TRAPPC9: variants seen among roughly 807,000 people sequenced by gnomAD.
The protein encoded by TRAPPC9 is trafficking protein particle complex subunit 9.
In TRAPPC9, 83 loss-of-function variants were observed where a neutral mutation model predicts 124.0. The ratio of observed to expected loss-of-function variants is 0.67; its 90% CI spans 0.56 to 0.80. The LOEUF is 0.80. Ranked by LOEUF, TRAPPC9 falls within the 30% of genes least tolerant of loss-of-function variation. The pLI, the probability that TRAPPC9 is intolerant of heterozygous loss-of-function variation, is 0.00. For missense variants in TRAPPC9, 1,302 were observed against 1,508.3 expected (o/e 0.86, Z 2.27); for synonymous variants, 638 against 617.5 (o/e 1.03, Z -0.49).
At chr8:140,114,355 C>T (rs1223212812) in intron 17 of TRAPPC9, among the ~76,000 whole-genome samples, 3 of 144,684 alleles carry the variant, frequency 2.1e-5, no homozygotes, top group African/African-American at 7.7e-5. Flanking sequence ...AAAAAAACCT[C>T]ACAAAAGAAA....
Position 139,910,241 on chromosome 8 carries a change from T to C in TRAPPC9, c.2870A>G (p.Lys957Arg), listed in dbSNP as rs762368721. ...CTGCTTGGGGTTTGCAAATTGCCCC[T>C]TCTCCCCAGGGGACTCCGGGAAACT... ...FESFPESPGE[K>R]GQFANPKQLE... is the part of the protein sequence containing the mutation. The change falls in exon 20 of 23, where the codon AAG (lysine) becomes AGG (arginine). Residue 957 changes from lysine to arginine, a missense_variant. Transcript: ENST00000438773. 1.2e-6 allele frequency: 2 copies of C among 1,614,134 alleles called. No homozygotes were observed. The highest frequency in any genetic ancestry group is 8.5e-7 in the Non-Finnish European group (1 of 1,180,028).
chr8:139,856,834 C>T lies in TRAPPC9; in HGVS notation c.3055+29045G>A, dbSNP rs534620726. Among the ~76,000 whole-genome samples the T allele has an allele frequency of 5.3e-5, 8 of 151,984 alleles. No homozygotes were observed. In the East Asian group the frequency reaches 1.5e-3, roughly 29 times the overall value. On this transcript the variant is annotated intron_variant, in intron 21 of 22. Transcript: ENST00000438773. Reference sequence around the variant, plus strand: ...TGGAAGGAGAACGTGCTCATTCATTCAAACATTCATCTACCCACCCATTCA... The same window carrying T: ...TGGAAGGAGAACGTGCTCATTCATTTAAACATTCATCTACCCACCCATTCA...
chr8:140,193,416 T>C (rs1276203901), intron 17 of TRAPPC9, among the ~76,000 whole-genome samples: 2 of 152,142 alleles, frequency 1.3e-5, no homozygotes, highest in Non-Finnish European at 2.9e-5. Flanking sequence ...GTTGTAGGCA[T>C]TGCAAAGCCT....
intron 21 of TRAPPC9, among the ~76,000 whole-genome samples, chr8:139,756,024 C>G (rs1168181161): frequency 5.7e-5 from 7 of 122,996 alleles, no homozygotes; most frequent in Non-Finnish European, 6.5e-5. Context: ...GACAGCAGGT[C>G]ACAGGAGGAG....
chr8:139,971,804 C>CACATAT (rs1836111897), intron 19 of TRAPPC9, among the ~76,000 whole-genome samples: 4 of 2,200 alleles, frequency 1.8e-3, no homozygotes, highest in Non-Finnish European at 2.6e-3. Flanking sequence ...TATATATATA[C>CACATAT]ATATATATAT....
chr8:140,424,375 G>A (rs911050030), intron 5 of TRAPPC9, among the ~76,000 whole-genome samples: 1 of 151,872 alleles, frequency 6.6e-6, no homozygotes, highest in Non-Finnish European at 1.5e-5. Context: ...GCCAGGCACA[G>A]TGGCTCATGT....
At chr8:139,851,475 A>G (rs1827456189) in intron 21 of TRAPPC9, among the ~76,000 whole-genome samples, 1 of 152,118 alleles carries the variant, frequency 6.6e-6, no homozygotes, top group African/African-American at 2.4e-5. Context: ...TGCATCCCGG[A>G]AGGCATGGGA....
chr8:140,174,606 A>G (rs2062025819), intron 17 of TRAPPC9, among the ~76,000 whole-genome samples: 1 of 151,968 alleles, frequency 6.6e-6, no homozygotes, highest in Non-Finnish European at 1.5e-5. Flanking sequence ...GCAACCATCA[A>G]TCTGCCTTCT....
At chr8:140,115,814 T>C (rs1006020275) in intron 17 of TRAPPC9, among the ~76,000 whole-genome samples, 2 of 152,118 alleles carry the variant, frequency 1.3e-5, no homozygotes, top group African/African-American at 4.8e-5. Context: ...TCACTGAGGA[T>C]GCTGTGCCCG....
intron 17 of TRAPPC9, among the ~76,000 whole-genome samples, chr8:140,049,492 G>A (rs552199027): frequency 1.2e-3 from 175 of 152,064 alleles, no homozygotes; most frequent in African/African-American, 3.9e-3. Context: ...GCCGGCCCTC[G>A]GTGATGTGTT....
At chr8:140,195,252 AAC>A (rs1007300689) in intron 17 of TRAPPC9, among the ~76,000 whole-genome samples, 3 of 147,536 alleles carry the variant, frequency 2.0e-5, no homozygotes, top group African/African-American at 5.0e-5. Flanking sequence ...GTGACACTAA[AAC>A]ACACAACGAT....
At chr8:140,074,025 A>AC (rs1843350664) in intron 17 of TRAPPC9, among the ~76,000 whole-genome samples, 1 of 152,090 alleles carries the variant, frequency 6.6e-6, no homozygotes, top group Non-Finnish European at 1.5e-5. Flanking sequence ...CCAGCCAAGG[A>AC]CCCCCATGTC....
chr8:139,863,687 C>T (rs190020649), intron 21 of TRAPPC9, among the ~76,000 whole-genome samples: 6 of 152,350 alleles, frequency 3.9e-5, no homozygotes, highest in Admixed American at 2.6e-4. Context: ...TCGCTGTTCC[C>T]GCCTCTGAGA....
intron 19 of TRAPPC9, among the ~76,000 whole-genome samples, chr8:139,947,759 T>C (rs751789494): frequency 6.7e-6 from 1 of 149,696 alleles, no homozygotes; most frequent in Non-Finnish European, 1.5e-5. Flanking sequence ...TCCCAGCTAC[T>C]CAGGAGGCTG....
At chr8:140,174,409 T>A (rs1487192413) in intron 17 of TRAPPC9, among the ~76,000 whole-genome samples, 1 of 152,138 alleles carries the variant, frequency 6.6e-6, no homozygotes, top group Non-Finnish European at 1.5e-5. Context: ...AATTGAGGTA[T>A]AATTCACACG....
At chr8:140,184,072 G>A (rs1181946361) in intron 17 of TRAPPC9, among the ~76,000 whole-genome samples, 3 of 151,836 alleles carry the variant, frequency 2.0e-5, no homozygotes, top group Admixed American at 2.0e-4. Flanking sequence ...AGAACTGACT[G>A]CCAATGTCAG....
chr8:139,932,466 G>A, intron 19 of TRAPPC9: 1 of 457,658 alleles, frequency 2.2e-6, no homozygotes, highest in Non-Finnish European at 4.4e-6. Context: ...TCCTGGGGTA[G>A]AAATGTCATG....
chr8:140,374,250 A>G lies in TRAPPC9; in HGVS notation c.1135-3070T>C, dbSNP rs564566211. On this transcript the variant is annotated intron_variant, in intron 7 of 22. Transcript: ENST00000438773. ...CAGTGCTGGAGGACAGCAGCCAGGGACGGGGTGGAAGAGGACTGTAAAGAG... is the reference window on the plus strand; with the variant it reads ...CAGTGCTGGAGGACAGCAGCCAGGGGCGGGGTGGAAGAGGACTGTAAAGAG... Among the ~76,000 whole-genome samples the G allele has an allele frequency of 7.0e-4, 106 of 152,234 alleles. 3 individuals are homozygous for G. The South Asian group carries it at 0.021, about 30-fold the overall frequency.
chr8:140,041,664 T>G (rs1365297265), intron 17 of TRAPPC9, among the ~76,000 whole-genome samples: 1 of 152,228 alleles, frequency 6.6e-6, no homozygotes, highest in Admixed American at 6.5e-5. Context: ...ACATGGCATC[T>G]AAGTCTAATC....
Sources: allele counts gnomAD v4.1 joint callset (sites outside exome capture counted in the v4.1 genomes callset), GRCh38; gene constraint gnomAD v4.1.1; transcripts MANE v1.5; gene names NCBI Gene and HGNC (gene_info 2026-07-23, HGNC 2026-07-21).